The following CEMIP2 variants were observed in gnomAD, a reference collection of about 807,000 sequenced individuals.
The protein encoded by CEMIP2 is cell surface hyaluronidase CEMIP2.
In CEMIP2, 79 loss-of-function variants were observed where a neutral mutation model predicts 146.9. That is an observed-to-expected ratio of 0.54 (90% CI 0.45 to 0.65). The LOEUF is 0.65. CEMIP2 is among the 30% of genes least tolerant of loss of function. The pLI is 0.00. For synonymous variants in CEMIP2, 601 were observed against 606.3 expected, an observed-to-expected ratio of 0.99 and a Z score of 0.13; for missense variants, 1,596 against 1,696.2, an observed-to-expected ratio of 0.94 and a Z score of 1.04.
In CEMIP2 at chr9:71,728,250, T is replaced by TAC. The variant is rs1564012216; in HGVS notation, c.2049+1594_2049+1595insGT. Among the ~76,000 whole-genome samples, 216 of 23,418 alleles carry TAC rather than the reference T, an allele frequency of 9.2e-3. 19 individuals carry two copies. The highest frequency in any genetic ancestry group is 0.019 in the Non-Finnish European group (160 of 8,646). 15.4% of individuals were successfully genotyped at this position (23,418 alleles called of 152,430 possible). On this transcript the variant is annotated intron_variant, in intron 10 of 23. Coordinates refer to ENST00000377044, the MANE Select transcript of CEMIP2 (RefSeq NM_013390.3). The stretch of plus-strand genomic sequence containing the variant: ...CTCTCTCTATATATATATATATATA[T>TAC]GTATATACACGTATATATATATATA...
intron 17 of CEMIP2, among the ~76,000 whole-genome samples, chr9:71,705,641 G>A (rs1411795028): frequency 6.6e-6 from 1 of 151,060 alleles, no homozygotes; most frequent in African/African-American, 2.4e-5. Context: ...TACTGACACC[G>A]CTTAAAGATT....
intron 18 of CEMIP2, among the ~76,000 whole-genome samples, chr9:71,702,261 G>GAAAAA (rs67059194): frequency 2.9e-4 from 31 of 106,134 alleles, no homozygotes; most frequent in Non-Finnish European, 3.7e-4. Context: ...TTGTCTCAAG[G>GAAAAA]AAAAAAAAAA....
chr9:71,711,766 G>A (rs890623007), intron 16 of CEMIP2, among the ~76,000 whole-genome samples: 4 of 152,212 alleles, frequency 2.6e-5, no homozygotes, highest in South Asian at 2.1e-4. Flanking sequence ...CCCAACCAGC[G>A]TATTTCACTG....
At chr9:71,728,271 A>ACACG (rs1564012358) in intron 10 of CEMIP2, among the ~76,000 whole-genome samples, 5 of 11,270 alleles carry the variant, frequency 4.4e-4, no homozygotes, top group Admixed American at 3.4e-3. Flanking sequence ...GTATATATAT[A>ACACG]TATATATATG....
chr9:71,722,653 G>C, intron 11 of CEMIP2, 138 bp from the exon 12 acceptor site: 1 of 371,080 alleles, frequency 2.7e-6, no homozygotes, highest in South Asian at 3.5e-5. Context: ...CAAAGGTACT[G>C]TAAAAAAAAA....
At chr9:71,738,819 A>T (rs1397785792) in intron 5 of CEMIP2, among the ~76,000 whole-genome samples, 1 of 151,956 alleles carries the variant, frequency 6.6e-6, no homozygotes, top group Admixed American at 6.6e-5. Flanking sequence ...CCTGGGCAAC[A>T]GAGTGAGACT....
chr9:71,734,740 G>T, intron 6 of CEMIP2, 66 bp downstream of exon 6: 1 of 1,448,810 alleles, frequency 6.9e-7, no homozygotes. Context: ...GAGGAAAAAG[G>T]ATTTCAGGAA....
At chr9:71,702,641 T>G (rs1198282119) in intron 18 of CEMIP2, among the ~76,000 whole-genome samples, 1 of 152,220 alleles carries the variant, frequency 6.6e-6, no homozygotes, top group Non-Finnish European at 1.5e-5. Flanking sequence ...CTAAAAGTGT[T>G]ATTTTCAGAA....
rs866393930 is a variant in CEMIP2 at position 71,684,237 on chromosome 9, G to A, written c.*960C>T. 3 of 152,064 alleles carry A rather than the reference G, an allele frequency of 2.0e-5. No homozygotes were observed. Among genetic ancestry groups the A allele is most frequent in the Non-Finnish European group, 4.4e-5 (3 of 68,034 alleles). 9.4% of individuals were successfully genotyped at this position (152,064 alleles called of 1,614,324 possible). ...AAGCTTTCTGGGATTTTCCTGGCAG[G>A]AGGGTGAACAGAAAAGCTTTAAAAA... On this transcript the variant is annotated 3_prime_UTR_variant, in exon 24 of 24. Transcript: ENST00000377044.
intron 5 of CEMIP2, among the ~76,000 whole-genome samples, chr9:71,738,198 G>C (rs1823814135): frequency 6.6e-6 from 1 of 152,106 alleles, no homozygotes. Context: ...ATTCCCCTAA[G>C]AGCAATTAAG....
intron 5 of CEMIP2, among the ~76,000 whole-genome samples, chr9:71,738,714 T>G (rs1467506243): frequency 1.3e-5 from 2 of 151,878 alleles, no homozygotes; most frequent in Non-Finnish European, 2.9e-5. Context: ...GGTGGGTACC[T>G]GTAACACCAG....
chr9:71,700,915 C>A, intron 18 of CEMIP2, 91 bp from the exon 19 acceptor site: 3 of 1,093,540 alleles, frequency 2.7e-6, no homozygotes, highest in Non-Finnish European at 3.8e-6. Context: ...CCTTCATGTG[C>A]CACTTCTTCC....
At position 71,725,646 on chromosome 9, in the gene CEMIP2, A is replaced by G; in HGVS notation, c.2113T>C (p.Leu705=). The G allele has an allele frequency of 6.2e-7, 1 of 1,614,096 alleles. No homozygotes were observed. The highest frequency in any genetic ancestry group is 8.5e-7 in the Non-Finnish European group (1 of 1,179,984). Residue 705 remains leucine (L), a synonymous_variant, in exon 11 of 24, where the codon TTG becomes CTG. Transcript: ENST00000377044. Reference sequence around the variant, plus strand: ...AATGGAGTGAGTTCTGGTTTTGCCAAGAGCTGCAATCCACTGGATTCCCCA... The same window carrying G: ...AATGGAGTGAGTTCTGGTTTTGCCAGGAGCTGCAATCCACTGGATTCCCCA... ...PTGESSGLQL[L]AKPELTPLGI... is the part of the protein sequence containing the mutation.
At chr9:71,728,307 ATATATATATACG>A (rs1823506653) in intron 10 of CEMIP2, among the ~76,000 whole-genome samples, 1 of 87,078 alleles carries the variant, frequency 1.1e-5, no homozygotes, top group African/African-American at 4.3e-5. Flanking sequence ...ATATACATAT[ATATATATATACG>A]TATATATATA....
rs1823495113 is a variant in CEMIP2, at chr9:71,728,288, T to TAC, written c.2049+1556_2049+1557insGT. ...ATATATATATATATATATGTATATA[T>TAC]ATATATATATATACATATATATATA... On this transcript the variant is annotated intron_variant, in intron 10 of 23. Transcript: ENST00000377044. 7.0e-5 allele frequency among the ~76,000 whole-genome samples: 2 copies of TAC among 28,556 alleles called. 1 individual carries two copies. The highest frequency in any genetic ancestry group is 9.5e-4 in the Admixed American group (2 of 2,096). 18.7% of individuals were successfully genotyped at this position (28,556 alleles called of 152,430 possible).
intron 21 of CEMIP2, 29 bp downstream of exon 21, chr9:71,694,480 A>G (rs1822335012): frequency 6.4e-7 from 1 of 1,556,472 alleles, no homozygotes; most frequent in African/African-American, 1.4e-5. Flanking sequence ...CACCTAGAAC[A>G]GACTAAGACA....
rs1476636692 is a variant in CEMIP2 at position 71,712,189 on chromosome 9, T to C, written c.2663A>G (p.Tyr888Cys). The change falls in exon 16 of 24, where the codon TAT becomes TGT. Residue 888 changes from tyrosine (Y) to cysteine (C), a missense_variant. Transcript: ENST00000377044. ...IHLTRSTFKK[Y>C]VPTPDRYSSA... ...GCTGTACCTATCTGGAGTTGGCACA[T>C]ATTTTTTGAAAGTGCTCCTTGTGAG... 1.9e-6 allele frequency: 3 copies of C among 1,614,202 alleles called. No individual in the cohort carries two copies. The highest frequency in any genetic ancestry group is 2.2e-5 in the South Asian group (2 of 91,086).
chr9:71,736,556 TTA>T (rs1245809024), intron 5 of CEMIP2, among the ~76,000 whole-genome samples: 1 of 152,208 alleles, frequency 6.6e-6, no homozygotes, highest in African/African-American at 2.4e-5. Flanking sequence ...TGACTACTAA[TTA>T]CTGATCTTTC....
chr9:71,756,008 T>A (rs1824429900), intron 1 of CEMIP2, among the ~76,000 whole-genome samples: 1 of 147,940 alleles, frequency 6.8e-6, no homozygotes, highest in South Asian at 2.2e-4. Flanking sequence ...CAGGATCATC[T>A]TACTTTTTGC....
Sources: gnomAD v4.1 joint callset for allele counts (sites outside exome capture counted in the v4.1 genomes callset) on GRCh38, gnomAD v4.1.1 for gene constraint, MANE v1.5 for transcripts, NCBI Gene and HGNC (gene_info 2026-07-23, HGNC 2026-07-21) for gene names.